Variants in GUF1 observed in about 807,000 individuals in gnomAD.
GUF1 encodes the protein translation factor GUF1, mitochondrial.
A neutral mutation model predicts 82.4 loss-of-function variants in GUF1; 78 were observed. The ratio of observed to expected loss-of-function variants is 0.95; its 90% CI spans 0.79 to 1.14. The LOEUF (loss-of-function observed/expected upper bound fraction) is 1.14. Among genes scored for constraint, GUF1 ranks in the 50% most tolerant of loss-of-function variants. The probability of loss-of-function intolerance (pLI) is 0.00; values close to 1 mark genes in which losing one functional copy is unlikely to be tolerated. For missense variants in GUF1, 814 were observed against 798.2 expected, an observed-to-expected ratio of 1.02 and a Z score of -0.24; for synonymous variants, 279 against 282.3, an observed-to-expected ratio of 0.99 and a Z score of 0.12.
At chr4:44,691,931 T>G in intron 13 of GUF1, 132 bp downstream of exon 13, 1 of 644,944 alleles carries the variant, frequency 1.6e-6, no homozygotes, top group Non-Finnish European at 2.5e-6. Context: ...TACTCTAAGG[T>G]TAGAATGACT....
At chr4:44,682,530 G>A (rs1450162330) in intron 5 of GUF1, 119 bp downstream of exon 5, 17 of 511,226 alleles carry the variant, frequency 3.3e-5, no homozygotes, top group Non-Finnish European at 4.8e-5. Context: ...AAATATATTG[G>A]TGGGATTTAT....
intron 13 of GUF1, chr4:44,694,203 C>T: frequency 2.1e-6 from 1 of 484,032 alleles, no homozygotes; most frequent in East Asian, 4.1e-5. Context: ...TAAACATATT[C>T]CCCTTGCTTT....
chr4:44,680,630 A>G (rs1479786273), intron 2 of GUF1, 64 bp from the exon 3 acceptor site: 1 of 1,434,112 alleles, frequency 7.0e-7, no homozygotes, highest in African/African-American at 1.4e-5. Context: ...TTTTAATTTT[A>G]TAAGTAATAT....
chr4:44,699,021 A>T lies in GUF1; in HGVS notation c.*340A>T, dbSNP rs1189150661. 5.7e-6 allele frequency: 1 copy of T among 176,372 alleles called. No individual in the cohort carries two copies. The highest frequency in any genetic ancestry group is 2.4e-5 in the African/African-American group (1 of 41,996). The allele number at this position is 176,372 out of a possible 1,614,324, so 10.9% of individuals were successfully genotyped here. A position where few individuals can be genotyped will look rare whatever the true frequency, so the allele number is the denominator to read the frequency against. ...TTAAATATTCAGAGGTGCAAGACAC[A>T]TAGTAAGCACTCAATTGTAACTACA... On this transcript the variant is annotated 3_prime_UTR_variant, in exon 17 of 17. Coordinates refer to ENST00000281543, the MANE Select transcript of GUF1 (RefSeq NM_021927.3).
intron 12 of GUF1, among the ~76,000 whole-genome samples, chr4:44,691,081 TTGATA>T (rs1254228867): frequency 3.3e-5 from 5 of 151,674 alleles, no homozygotes; most frequent in Admixed American, 1.3e-4. Context: ...ATTTACTGAT[TTGATA>T]TGTTAGCCCA....
chr4:44,688,261 C>CAGG lies in GUF1; in HGVS notation c.1078+117_1078+118insGAG. 5.0e-6 allele frequency: 5 copies of CAGG among 1,007,154 alleles called. No individual in the cohort carries two copies. The South Asian group carries it at 6.5e-5, about 13-fold the overall frequency. 62.4% of individuals were successfully genotyped at this position (1,007,154 alleles called of 1,614,324 possible). On this transcript the variant is annotated intron_variant, in intron 9 of 16. Transcript: ENST00000281543. ...GGTTATTTTAAATAACCACTAATTC[C>CAGG]AGCATATTGTTTCACTTTGTGCTGT...
In GUF1 at chr4:44,690,710, T is replaced by G. The variant is rs1227268955; in HGVS notation, c.1336-7T>G. 6.7e-7 allele frequency: 1 copy of G among 1,502,746 alleles called. No individual in the cohort carries two copies. Among genetic ancestry groups the G allele is most frequent in the East Asian group, 2.3e-5 (1 of 43,654 alleles). The allele number at this position is 1,502,746 out of a possible 1,614,324, so 93.1% of individuals were successfully genotyped here. ...TTTTAAGTATTGCTGATTTTTCTAA[T>G]TTTTAGGAACATAGAGAAAAAGAAA... is the stretch of plus-strand genomic sequence containing the variant. On this transcript the variant is annotated splice_polypyrimidine_tract_variant and splice_region_variant and intron_variant, in intron 11 of 16. Transcript: ENST00000281543.
chr4:44,681,333 G>A (rs1016476178), intron 4 of GUF1, 130 bp downstream of exon 4: 11 of 653,102 alleles, frequency 1.7e-5, no homozygotes, highest in Middle Eastern at 3.1e-4. Context: ...GTTACTTACT[G>A]AAAATCATAT....
rs947177342 is a variant in GUF1 at position 44,700,207 on chromosome 4, T to A, written c.*1526T>A. 4.6e-5 allele frequency: 7 copies of A among 152,196 alleles called. No homozygotes were observed. The highest frequency in any genetic ancestry group is 8.8e-5 in the Non-Finnish European group (6 of 68,034). The allele number at this position is 152,196 out of a possible 1,614,324, so 9.4% of individuals were successfully genotyped here. A position where few individuals can be genotyped will look rare whatever the true frequency, so the allele number is the denominator to read the frequency against. On this transcript the variant is annotated 3_prime_UTR_variant, in exon 17 of 17. Transcript: ENST00000281543. Reference sequence around the variant, plus strand: ...AAGGGAAGTCAAGCTGGGAACTGATTGAGGCAAACCTGCCTCCCATTTTAT... The same window carrying A: ...AAGGGAAGTCAAGCTGGGAACTGATAGAGGCAAACCTGCCTCCCATTTTAT...
chr4:44,694,182 C>T, intron 13 of GUF1: 1 of 421,400 alleles, frequency 2.4e-6, no homozygotes, highest in Non-Finnish European at 4.2e-6. Flanking sequence ...AGCTTATTTT[C>T]CTTTCCCCTA....
chr4:44,692,542 A>C (rs984133428), intron 13 of GUF1, among the ~76,000 whole-genome samples: 1 of 151,972 alleles, frequency 6.6e-6, no homozygotes, highest in Non-Finnish European at 1.5e-5. Context: ...ATGAACATTG[A>C]CATCTATAAA....
At position 44,699,614 on chromosome 4, in the gene GUF1, G is replaced by A. The variant is rs1372605454; in HGVS notation, c.*933G>A. 1 of 152,144 alleles carries A rather than the reference G, an allele frequency of 6.6e-6. No homozygotes were observed. The highest frequency in any genetic ancestry group is 1.5e-5 in the Non-Finnish European group (1 of 68,020). The allele number at this position is 152,144 out of a possible 1,614,324, so 9.4% of individuals were successfully genotyped here. A position where few individuals can be genotyped will look rare whatever the true frequency, so the allele number is the denominator to read the frequency against. On this transcript the variant is annotated 3_prime_UTR_variant, in exon 17 of 17. Coordinates refer to ENST00000281543, the MANE Select transcript of GUF1 (RefSeq NM_021927.3). ...AGATTCCATCTACTTTAAGTTTAAAGGATTTTCAGAATCACCTTAAGTGTC... is the reference window on the plus strand; with the variant it reads ...AGATTCCATCTACTTTAAGTTTAAAAGATTTTCAGAATCACCTTAAGTGTC...
chr4:44,697,662 T>C (rs193228582), intron 16 of GUF1, among the ~76,000 whole-genome samples: 1 of 151,774 alleles, frequency 6.6e-6, no homozygotes, highest in African/African-American at 2.4e-5. Context: ...TTTACAAAAA[T>C]ATTTATTAAA....
rs376747842 is a variant in GUF1, at chr4:44,686,044, G to A, written c.734+21G>A. 4.6e-5 allele frequency: 70 copies of A among 1,509,932 alleles called. No homozygotes were observed. In the African/African-American group the frequency reaches 8.4e-4, roughly 18 times the overall value. The allele number at this position is 1,509,932 out of a possible 1,614,324, so 93.5% of individuals were successfully genotyped here. On this transcript the variant is annotated intron_variant, in intron 7 of 16. Coordinates refer to ENST00000281543, the MANE Select transcript of GUF1 (RefSeq NM_021927.3). ...CCCCCGTGAGTATTTGGTGATTTTT[G>A]TACTAGTTGTCTCTATTTAATAGTT... is the stretch of plus-strand genomic sequence containing the variant.
rs757598628 is a variant in GUF1, at chr4:44,685,978, C to T, written c.689C>T (p.Thr230Ile). The T allele has an allele frequency of 1.9e-6, 3 of 1,605,480 alleles. No homozygotes were observed. Among genetic ancestry groups the T allele is most frequent in the African/African-American group, 2.7e-5 (2 of 74,772 alleles). ...TTTTAGATTTCTGCTAAACTTGGAACAAATGTTGAGAGTGTTCTTCAGGCA... is the reference window on the plus strand; with the variant it reads ...TTTTAGATTTCTGCTAAACTTGGAATAAATGTTGAGAGTGTTCTTCAGGCA... ...ECIKISAKLGTNVESVLQAII... is the reference protein window; with the variant it reads ...ECIKISAKLGINVESVLQAII... The change falls in exon 7 of 17, where the codon ACA (threonine) becomes ATA (isoleucine). Residue 230 changes from threonine to isoleucine, a missense_variant. Physicochemically the swap from Thr to Ile is moderately conservative, Grantham distance 89. Coordinates refer to ENST00000281543, the MANE Select transcript of GUF1 (RefSeq NM_021927.3).
Position 44,699,844 on chromosome 4 carries a change from A to G in GUF1, c.*1163A>G, listed in dbSNP as rs1476356425. ...AGACATTCAAAACGCATTTGTGTAA[A>G]ATGACAGGTGTTTGGTATTACCAGG... is the stretch of plus-strand genomic sequence containing the variant. On this transcript the variant is annotated 3_prime_UTR_variant, in exon 17 of 17. Coordinates refer to ENST00000281543, the MANE Select transcript of GUF1 (RefSeq NM_021927.3). 6.6e-6 allele frequency: 1 copy of G among 152,218 alleles called. No homozygotes were observed. The highest frequency in any genetic ancestry group is 2.4e-5 in the African/African-American group (1 of 41,454). 9.4% of individuals were successfully genotyped at this position (152,218 alleles called of 1,614,324 possible).
chr4:44,687,154 G>A (rs1382071637), intron 8 of GUF1, among the ~76,000 whole-genome samples: 3 of 151,970 alleles, frequency 2.0e-5, no homozygotes, highest in Non-Finnish European at 4.4e-5. Flanking sequence ...GGATTAGCAA[G>A]GGTAGTGTGC....
At chr4:44,685,035 A>T (rs4695036) in intron 6 of GUF1, among the ~76,000 whole-genome samples, 79,956 of 152,034 alleles carry the variant, frequency 0.53, 22,459 homozygotes, top group Non-Finnish European at 0.64. Flanking sequence ...ACCAGAGTGA[A>T]TGTAAATGAT....
At chr4:44,684,210 A>G (rs1362106752) in intron 6 of GUF1, among the ~76,000 whole-genome samples, 1 of 152,090 alleles carries the variant, frequency 6.6e-6, no homozygotes, top group Non-Finnish European at 1.5e-5. Flanking sequence ...TTCTAGGTGA[A>G]ATACCATCAT....
Sources: allele counts gnomAD v4.1 joint callset (sites outside exome capture counted in the v4.1 genomes callset), GRCh38; gene constraint gnomAD v4.1.1; transcripts MANE v1.5; gene names NCBI Gene and HGNC (gene_info 2026-07-23, HGNC 2026-07-21).